Variants in RPS6KC1 observed in about 807,000 individuals in gnomAD.
RPS6KC1 encodes the protein ribosomal protein S6 kinase C1, also known as inactive ribosomal protein S6 kinase delta-1.
In RPS6KC1, 54 loss-of-function variants were observed where a neutral mutation model predicts 103.8. The ratio of observed to expected loss-of-function variants is 0.52; its 90% confidence interval spans 0.42 to 0.65. The LOEUF (loss-of-function observed/expected upper bound fraction) is 0.65, where lower values mean the gene tolerates loss of function less well. RPS6KC1 is among the 30% of genes least tolerant of loss of function. RPS6KC1 has a pLI of 0.00. For synonymous variants in RPS6KC1, 439 were observed against 438.7 expected (o/e 1.00, Z -0.01); for missense variants, 1,151 against 1,253.8 (o/e 0.92, Z 1.24).
At chr1:213,508,490 T>C in the RPS6KC1 span, among the ~76,000 whole-genome samples, 1 of 152,044 alleles carries the variant, frequency 6.6e-6, no homozygotes, top group Middle Eastern at 3.4e-3. Flanking sequence ...AATGAAGCTG[T>C]GTTGCTTTTG....
the RPS6KC1 span, among the ~76,000 whole-genome samples, chr1:213,590,407 G>A: frequency 1.3e-5 from 2 of 152,176 alleles, no homozygotes; most frequent in South Asian, 2.1e-4. Context: ...GGAAAGGTCA[G>A]CGTGTTGAAG....
rs116644444 is a variant in RPS6KC1 at position 213,072,384 on chromosome 1, A to G, written c.141+1343A>G. On this transcript the variant is annotated intron_variant, in intron 2 of 14. Coordinates refer to ENST00000366960, the MANE Select transcript of RPS6KC1 (RefSeq NM_012424.6). ...TTGTCCTATGATTTAAAACAGATAT[A>G]TTTTTATACAAAAATTAGCTGGGCA... is the stretch of plus-strand genomic sequence containing the variant. Among the ~76,000 whole-genome samples, 1,304 of 152,158 alleles carry G rather than the reference A, an allele frequency of 8.6e-3. 25 individuals are homozygous for G. The highest frequency in any genetic ancestry group is 0.029 in the African/African-American group (1,208 of 41,526).
At chr1:213,095,560 TA>T in intron 3 of RPS6KC1, among the ~76,000 whole-genome samples, 1 of 152,340 alleles carries the variant, frequency 6.6e-6, no homozygotes, top group African/African-American at 2.4e-5. Flanking sequence ...CAGCTTTTAA[TA>T]ACCATTGTTG....
At chr1:213,685,848 A>C in the RPS6KC1 span, among the ~76,000 whole-genome samples, 6 of 152,332 alleles carry the variant, frequency 3.9e-5, no homozygotes, top group South Asian at 1.2e-3. Flanking sequence ...TTTTAAATTC[A>C]GCTTTTGTTT....
At chr1:213,745,202 T>C in the RPS6KC1 span, among the ~76,000 whole-genome samples, 1 of 151,660 alleles carries the variant, frequency 6.6e-6, no homozygotes, top group African/African-American at 2.4e-5. Context: ...TATTTCCCAT[T>C]TAAGTTAATT....
chr1:213,193,466 T>C lies in RPS6KC1; in HGVS notation c.1044+16974T>C, dbSNP rs555810972. On this transcript the variant is annotated intron_variant, in intron 8 of 14. Coordinates refer to ENST00000366960, the MANE Select transcript of RPS6KC1 (RefSeq NM_012424.6). ...TAGTAGAAATGAGGTTTTACCACAT[T>C]GGTCAGGCTGGCCTTGAACTCCTGA... Among the ~76,000 whole-genome samples, 77 of 151,836 alleles carry C rather than the reference T, an allele frequency of 5.1e-4. 1 individual carries two copies. In the South Asian group the frequency reaches 0.016, roughly 31 times the overall value.
At chr1:213,856,493 C>T in the RPS6KC1 span, among the ~76,000 whole-genome samples, 2 of 150,146 alleles carry the variant, frequency 1.3e-5, no homozygotes, top group Non-Finnish European at 3.0e-5. Context: ...TCCTTCCTTC[C>T]TTCCCTCCTC....
At chr1:213,292,775 A>G in the RPS6KC1 span, among the ~76,000 whole-genome samples, 1 of 152,246 alleles carries the variant, frequency 6.6e-6, no homozygotes. Context: ...GAAGAACTGC[A>G]GGCCCTCTTA....
At chr1:213,642,721 A>G in the RPS6KC1 span, among the ~76,000 whole-genome samples, 1 of 152,002 alleles carries the variant, frequency 6.6e-6, no homozygotes, top group Admixed American at 6.6e-5. Context: ...CAAATTTGTC[A>G]AGTTTTTTGG....
At chr1:213,317,637 G>T in the RPS6KC1 span, among the ~76,000 whole-genome samples, 3 of 152,222 alleles carry the variant, frequency 2.0e-5, no homozygotes, top group Admixed American at 2.0e-4. Flanking sequence ...GCCTATAGCA[G>T]GTAGGAAGTG....
At chr1:213,845,411 T>G in the RPS6KC1 span, among the ~76,000 whole-genome samples, 1 of 152,182 alleles carries the variant, frequency 6.6e-6, no homozygotes, top group Non-Finnish European at 1.5e-5. Context: ...TACACACACC[T>G]GTTAACTTTG....
At chr1:213,492,042 C>G in the RPS6KC1 span, among the ~76,000 whole-genome samples, 1 of 152,184 alleles carries the variant, frequency 6.6e-6, no homozygotes, top group Admixed American at 6.5e-5. Flanking sequence ...TGGGCTCCCT[C>G]CCCCGTATGT....
the RPS6KC1 span, among the ~76,000 whole-genome samples, chr1:213,707,359 G>C: frequency 6.6e-6 from 1 of 152,080 alleles, no homozygotes; most frequent in African/African-American, 2.4e-5. Context: ...TTTGAAAAGT[G>C]TCTGTTCACA....
chr1:213,658,841 C>T, the RPS6KC1 span, among the ~76,000 whole-genome samples: 1 of 152,224 alleles, frequency 6.6e-6, no homozygotes, highest in African/African-American at 2.4e-5. Context: ...TGCTTTTGTT[C>T]ACTGAATTTA....
chr1:213,594,925 T>C, the RPS6KC1 span, among the ~76,000 whole-genome samples: 1 of 152,066 alleles, frequency 6.6e-6, no homozygotes, highest in African/African-American at 2.4e-5. Flanking sequence ...TGGGGCTAGA[T>C]TTTGTTGAAA....
At chr1:213,672,450 TA>T in the RPS6KC1 span, among the ~76,000 whole-genome samples, 1 of 152,354 alleles carries the variant, frequency 6.6e-6, no homozygotes, top group South Asian at 2.1e-4. Flanking sequence ...TTCAAATCTT[TA>T]CCATAGAGGA....
chr1:213,432,635 C>T, the RPS6KC1 span, among the ~76,000 whole-genome samples: 1 of 152,182 alleles, frequency 6.6e-6, no homozygotes, highest in South Asian at 2.1e-4. Context: ...CACCTCCCAA[C>T]CTTTCATAGC....
Position 213,117,362 on chromosome 1 carries a change from G to A in RPS6KC1, c.424G>A (p.Ala142Thr). 6.2e-7 allele frequency: 1 copy of A among 1,611,262 alleles called. No homozygotes were observed. The highest frequency in any genetic ancestry group is 1.1e-5 in the South Asian group (1 of 90,912). ...TTCTGAATTAATTGGTCCTGCTGAA[G>A]CTCACTCAGATTCCCTCATTGATAC... is the stretch of plus-strand genomic sequence containing the variant. ...DSSELIGPAE[A>T]HSDSLIDTFP... The change falls in exon 5 of 15, where the codon GCT becomes ACT. Residue 142 changes from alanine to threonine, a missense_variant. Physicochemically the swap from Ala to Thr is moderately conservative, Grantham distance 58. This residue lies in a region of RPS6KC1 where 959 missense variants were observed against 1,006.3 expected (regional missense o/e 0.95). Transcript: ENST00000366960.
chr1:213,309,302 C>A, the RPS6KC1 span, among the ~76,000 whole-genome samples: 4 of 151,874 alleles, frequency 2.6e-5, no homozygotes, highest in Non-Finnish European at 1.5e-5. Flanking sequence ...CTCAAACAAA[C>A]AAAAACAAAC....
Sources: gnomAD v4.1 joint callset for allele counts (sites outside exome capture counted in the v4.1 genomes callset) on GRCh38, gnomAD v4.1.1 for gene constraint, gnomAD v4.1.1 regional missense constraint, MANE v1.5 for transcripts, NCBI Gene and HGNC (gene_info 2026-07-23, HGNC 2026-07-21) for gene names.